Variants in PPP1R42 observed in about 807,000 individuals in gnomAD.
The protein encoded by PPP1R42 is protein phosphatase 1 regulatory subunit 42.
Under a neutral mutation model 31.0 loss-of-function variants are expected in PPP1R42, and 34 were observed. The observed-to-expected ratio is 1.10, with a 90% confidence interval of 0.83 to 1.46. The LOEUF is 1.46. PPP1R42 is among the 40% of genes most tolerant of loss of function. The pLI is 0.00. For missense variants in PPP1R42, 268 were observed against 303.0 expected (o/e 0.88, Z 0.86); for synonymous variants, 103 against 109.8 (o/e 0.94, Z 0.39).
chr8:66,998,912 T>TA (rs1815406753), intron 5 of PPP1R42, among the ~76,000 whole-genome samples: 1 of 152,194 alleles, frequency 6.6e-6, no homozygotes, highest in African/African-American at 2.4e-5. Flanking sequence ...GTGTTTTTTT[T>TA]TATATATTTC....
At chr8:67,020,844 G>C (rs1816192969) in intron 1 of PPP1R42, among the ~76,000 whole-genome samples, 1 of 152,200 alleles carries the variant, frequency 6.6e-6, no homozygotes, top group Non-Finnish European at 1.5e-5. Context: ...CTGGCTACTG[G>C]GTAGGCTGAG....
intron 7 of PPP1R42, among the ~76,000 whole-genome samples, chr8:66,974,303 C>T (rs900472258): frequency 3.9e-5 from 6 of 152,088 alleles, no homozygotes; most frequent in African/African-American, 1.4e-4. Context: ...GTCTGTAATA[C>T]CAGCAGTTTG....
chr8:66,987,768 G>A (rs1426513332), intron 6 of PPP1R42, among the ~76,000 whole-genome samples: 1 of 152,148 alleles, frequency 6.6e-6, no homozygotes, highest in African/African-American at 2.4e-5. Context: ...CACTCTATTT[G>A]GTGAGGACTG....
At chr8:67,019,520 G>A (rs1421720630) in intron 1 of PPP1R42, among the ~76,000 whole-genome samples, 1 of 151,724 alleles carries the variant, frequency 6.6e-6, no homozygotes, top group East Asian at 2.0e-4. Flanking sequence ...TTACAGGCGT[G>A]AGCCATCGCG....
chr8:66,970,900 C>T (rs755828745), intron 7 of PPP1R42: 2 of 1,020,732 alleles, frequency 2.0e-6, no homozygotes, highest in South Asian at 1.4e-5. Context: ...ATTGGATGGC[C>T]TCTGTTCCTC....
Position 66,964,265 on chromosome 8 carries a change from A to G in PPP1R42, c.*56T>C. On this transcript the variant is annotated 3_prime_UTR_variant, in exon 8 of 8. Coordinates refer to ENST00000685739, the MANE Select transcript of PPP1R42 (RefSeq NM_001364910.1). ...ACAAATTTTCTTTTTCTTCTGGGTT[A>G]TGGAAGAGGTGAGGTTCATGCACAT... The G allele has an allele frequency of 8.0e-7, 1 of 1,245,546 alleles. No individual in the cohort carries two copies. Among genetic ancestry groups the G allele is most frequent in the South Asian group, 1.3e-5 (1 of 79,574 alleles). 77.2% of individuals were successfully genotyped at this position (1,245,546 alleles called of 1,614,324 possible).
intron 7 of PPP1R42, among the ~76,000 whole-genome samples, chr8:66,965,263 C>CAA (rs35319935): frequency 1.2e-4 from 8 of 66,530 alleles, no homozygotes; most frequent in Non-Finnish European, 2.1e-4. Flanking sequence ...GACTCCGTCT[C>CAA]AAAAAAAAAA....
At chr8:66,987,246 G>T (rs907137321) in intron 6 of PPP1R42, among the ~76,000 whole-genome samples, 1 of 149,846 alleles carries the variant, frequency 6.7e-6, no homozygotes, top group Non-Finnish European at 1.5e-5. Flanking sequence ...AGGAAACTAT[G>T]CCTCCGTTAA....
intron 5 of PPP1R42, among the ~76,000 whole-genome samples, chr8:67,007,357 A>G (rs1216957258): frequency 1.3e-5 from 2 of 152,152 alleles, no homozygotes; most frequent in African/African-American, 2.4e-5. Flanking sequence ...CCCAGAGAAA[A>G]TAATTTGTAA....
At position 67,017,728 on chromosome 8, in the gene PPP1R42, T is replaced by A; in HGVS notation, c.20A>T (p.Asp7Val). 6.3e-7 allele frequency: 1 copy of A among 1,594,240 alleles called. No individual in the cohort carries two copies. Among genetic ancestry groups the A allele is most frequent in the Non-Finnish European group, 8.5e-7 (1 of 1,170,984 alleles). The change falls in exon 2 of 8, where the codon GAT becomes GTT. Residue 7 changes from aspartate (D) to valine (V), a missense_variant. Coordinates refer to ENST00000685739, the MANE Select transcript of PPP1R42 (RefSeq NM_001364910.1). Reference protein sequence around the residue: MVRLTLDLIARNSNLKP... With the variant: MVRLTLVLIARNSNLKP... ...AAGATTGCTGTTTCTGGCAATTAGA[T>A]CCAAGGTCAGTCGAACCATAATTTC...
At chr8:66,988,674 A>G (rs1346499204) in intron 5 of PPP1R42, among the ~76,000 whole-genome samples, 157 bp from the exon 6 acceptor site, 2 of 152,216 alleles carry the variant, frequency 1.3e-5, no homozygotes, top group African/African-American at 4.8e-5. Flanking sequence ...TTTTGAATAA[A>G]ACAATCTATA....
At chr8:66,968,176 G>A (rs974796186) in intron 7 of PPP1R42, among the ~76,000 whole-genome samples, 9 of 152,156 alleles carry the variant, frequency 5.9e-5, no homozygotes, top group Admixed American at 2.0e-4. Context: ...TACATTGATA[G>A]TATCAAGTTC....
At chr8:66,981,314 A>G (rs1814827049) in intron 7 of PPP1R42, among the ~76,000 whole-genome samples, 1 of 151,964 alleles carries the variant, frequency 6.6e-6, no homozygotes, top group African/African-American at 2.4e-5. Flanking sequence ...AAGAAGGGAG[A>G]CAGTCCACAG....
chr8:66,964,457 A>G (rs1217724973), intron 7 of PPP1R42, 123 bp from the exon 8 acceptor site: 8 of 362,256 alleles, frequency 2.2e-5, no homozygotes, highest in Non-Finnish European at 3.3e-5. Context: ...TTAATCACCA[A>G]ACAGTGTGAA....
intron 7 of PPP1R42, among the ~76,000 whole-genome samples, chr8:66,972,717 T>C (rs1309396455): frequency 6.6e-6 from 1 of 152,204 alleles, no homozygotes; most frequent in Non-Finnish European, 1.5e-5. Context: ...TAGTAAATTA[T>C]GTAATCTATT....
At chr8:67,025,455 C>A (rs540526510) in intron 1 of PPP1R42, among the ~76,000 whole-genome samples, 1 of 151,896 alleles carries the variant, frequency 6.6e-6, no homozygotes, top group Non-Finnish European at 1.5e-5. Flanking sequence ...CTAACTTTGG[C>A]TAAAACAGAA....
At chr8:67,010,645 G>A in intron 5 of PPP1R42, 70 bp downstream of exon 5, 1 of 1,016,886 alleles carries the variant, frequency 9.8e-7, no homozygotes, top group Admixed American at 2.2e-5. Flanking sequence ...TTATTTTATA[G>A]CTATTACAAA....
intron 1 of PPP1R42, among the ~76,000 whole-genome samples, chr8:67,019,910 C>A (rs1379430498): frequency 6.6e-6 from 1 of 151,246 alleles, no homozygotes; most frequent in Admixed American, 6.6e-5. Flanking sequence ...ACCAAAAAAA[C>A]AAACAAACAA....
At position 66,982,140 on chromosome 8, in the gene PPP1R42, T is replaced by C; in HGVS notation, c.711A>G (p.Gln237=). ...DGKEIKNIER[Q]FLMNWKASKD... is the part of the protein sequence containing the mutation. ...TGGATGCTTTCCAATTCATTAGGAA[T>C]TGTCTTTCTATATTTTTAATTTCTT... The change falls in exon 7 of 8, where the codon CAA becomes CAG. Residue 237 remains glutamine, a synonymous_variant. Coordinates refer to ENST00000685739, the MANE Select transcript of PPP1R42 (RefSeq NM_001364910.1). The C allele has an allele frequency of 6.8e-7, 1 of 1,471,690 alleles. No homozygotes were observed. The highest frequency in any genetic ancestry group is 8.9e-7 in the Non-Finnish European group (1 of 1,124,544). 91.2% of individuals were successfully genotyped at this position (1,471,690 alleles called of 1,614,324 possible).
Sources: gnomAD v4.1 joint callset for allele counts (sites outside exome capture counted in the v4.1 genomes callset) on GRCh38, gnomAD v4.1.1 for gene constraint, MANE v1.5 for transcripts, NCBI Gene and HGNC (gene_info 2026-07-23, HGNC 2026-07-21) for gene names.